BCAR3: variants seen among roughly 807,000 people sequenced by gnomAD.
BCAR3 encodes the protein breast cancer anti-estrogen resistance protein 3.
BCAR3 carries 37 observed loss-of-function variants against 80.1 expected under a neutral mutation model. That is an observed-to-expected ratio of 0.46 (90% CI 0.36 to 0.61). The LOEUF is 0.61. Among genes scored for constraint, BCAR3 ranks in the 20% least tolerant of loss-of-function variants. The pLI, the probability that BCAR3 is intolerant of heterozygous loss-of-function variation, is 0.00. For synonymous variants in BCAR3, 389 were observed against 418.9 expected, an observed-to-expected ratio of 0.93 and a Z score of 0.87; for missense variants, 978 against 1,068.2, an observed-to-expected ratio of 0.92 and a Z score of 1.18.
rs532943561 is a variant in BCAR3, at chr1:93,654,251, C to T, written c.318-11908G>A. Among the ~76,000 whole-genome samples, 10 of 152,230 alleles carry T rather than the reference C, an allele frequency of 6.6e-5. No homozygotes were observed. The East Asian group carries it at 1.9e-3, about 29-fold the overall frequency. On this transcript the variant is annotated intron_variant, in intron 2 of 11. Coordinates refer to ENST00000260502, the MANE Select transcript of BCAR3 (RefSeq NM_003567.4). Reference sequence around the variant, plus strand: ...TAAGGGCTGAAGTCAGTTGATGTTACGAGACAGTGATCACCCAGGTGGGCC... The same window carrying T: ...TAAGGGCTGAAGTCAGTTGATGTTATGAGACAGTGATCACCCAGGTGGGCC...
chr1:93,696,202 C>A (rs907784), intron 3 of BCAR3, among the ~76,000 whole-genome samples: 143,319 of 152,218 alleles, frequency 0.94, 67,710 homozygotes, highest in East Asian at 1. Context: ...CCAGCTCTGC[C>A]TCTTTAGCTT....
chr1:93,644,766 G>A (rs1234379148), intron 2 of BCAR3, among the ~76,000 whole-genome samples: 5 of 152,148 alleles, frequency 3.3e-5, no homozygotes, highest in African/African-American at 1.2e-4. Context: ...TACCAGCCAG[G>A]GCCCATTGAA....
intron 3 of BCAR3, among the ~76,000 whole-genome samples, chr1:93,638,860 A>G (rs547672381): frequency 5.3e-5 from 8 of 152,262 alleles, no homozygotes; most frequent in African/African-American, 1.9e-4. Context: ...CTGTGGGGGG[A>G]AAAAATTGTG....
At chr1:93,629,529 A>G (rs1415949010) in intron 3 of BCAR3, among the ~76,000 whole-genome samples, 1 of 152,222 alleles carries the variant, frequency 6.6e-6, no homozygotes, top group Non-Finnish European at 1.5e-5. Context: ...ATGTATTGTA[A>G]ACACAGCTCT....
chr1:93,758,422 C>T (rs2100721848), intron 2 of BCAR3, among the ~76,000 whole-genome samples: 1 of 152,308 alleles, frequency 6.6e-6, no homozygotes, highest in Admixed American at 6.5e-5. Context: ...TGGCTGCCAT[C>T]TTGTAGATGG....
At chr1:93,842,071 A>G (rs1398760454) in intron 2 of BCAR3, among the ~76,000 whole-genome samples, 1 of 151,788 alleles carries the variant, frequency 6.6e-6, no homozygotes, top group African/African-American at 2.4e-5. Flanking sequence ...TCTTCCCTGA[A>G]GTCCCGTATC....
intron 2 of BCAR3, among the ~76,000 whole-genome samples, chr1:93,777,304 AATT>A (rs1652585181): frequency 6.6e-6 from 1 of 152,204 alleles, no homozygotes; most frequent in Non-Finnish European, 1.5e-5. Context: ...TGATACCCAG[AATT>A]ATTATTTATT....
At chr1:93,636,959 G>A (rs1254261580) in intron 3 of BCAR3, among the ~76,000 whole-genome samples, 2 of 152,062 alleles carry the variant, frequency 1.3e-5, no homozygotes, top group Non-Finnish European at 2.9e-5. Flanking sequence ...ATTAGGCATG[G>A]TGGTGGTCAT....
At chr1:93,569,171 G>A (rs1247626163) in intron 9 of BCAR3, among the ~76,000 whole-genome samples, 4 of 152,208 alleles carry the variant, frequency 2.6e-5, no homozygotes, top group Non-Finnish European at 5.9e-5. Context: ...AGTATTTGGG[G>A]AATAAGAGCC....
At chr1:93,765,685 T>C (rs1246993682) in intron 2 of BCAR3, among the ~76,000 whole-genome samples, 2 of 151,998 alleles carry the variant, frequency 1.3e-5, no homozygotes. Flanking sequence ...TTTTTTTTTT[T>C]TTAGAGAGAG....
chr1:93,670,822 T>A (rs1019759954), intron 2 of BCAR3, among the ~76,000 whole-genome samples: 1 of 152,136 alleles, frequency 6.6e-6, no homozygotes, highest in East Asian at 1.9e-4. Context: ...ATTATTCATG[T>A]TATAATTATT....
chr1:93,676,803 A>G (rs1206198820), intron 1 of BCAR3, among the ~76,000 whole-genome samples: 2 of 152,204 alleles, frequency 1.3e-5, no homozygotes, highest in African/African-American at 4.8e-5. Flanking sequence ...GCAGCACCCT[A>G]CAGAACTTCT....
intron 2 of BCAR3, among the ~76,000 whole-genome samples, chr1:93,733,425 G>A (rs559999083): frequency 6.6e-6 from 1 of 152,334 alleles, no homozygotes; most frequent in South Asian, 2.1e-4. Flanking sequence ...GGAAGCCGGT[G>A]TTCAGGAGGA....
At chr1:93,647,396 G>A (rs902697473) in intron 2 of BCAR3, among the ~76,000 whole-genome samples, 7 of 152,150 alleles carry the variant, frequency 4.6e-5, no homozygotes, top group African/African-American at 1.2e-4. Context: ...AAGAGTTCCT[G>A]AGACCAGAAC....
chr1:93,741,833 A>C (rs916585127), intron 2 of BCAR3, among the ~76,000 whole-genome samples: 4 of 152,176 alleles, frequency 2.6e-5, no homozygotes, highest in Non-Finnish European at 5.9e-5. Flanking sequence ...GGCCTCCCAA[A>C]GTGCTGGAAT....
chr1:93,626,930 AC>A (rs1402000632), intron 3 of BCAR3, among the ~76,000 whole-genome samples: 2 of 152,196 alleles, frequency 1.3e-5, no homozygotes, highest in Non-Finnish European at 2.9e-5. Flanking sequence ...TGTCTGACAA[AC>A]TTGGTTATTC....
intron 2 of BCAR3, among the ~76,000 whole-genome samples, chr1:93,799,371 G>A (rs888685852): frequency 8.5e-5 from 13 of 152,108 alleles, no homozygotes; most frequent in Non-Finnish European, 1.8e-4. Flanking sequence ...CAATGTATGG[G>A]GTCAGGTTGA....
At chr1:93,841,706 C>A (rs1654966981) in intron 2 of BCAR3, among the ~76,000 whole-genome samples, 1 of 152,230 alleles carries the variant, frequency 6.6e-6, no homozygotes. Context: ...CCTTTCGGGA[C>A]CAGATCATGT....
intron 3 of BCAR3, among the ~76,000 whole-genome samples, chr1:93,687,435 G>A (rs955024138): frequency 6.6e-6 from 1 of 152,144 alleles, no homozygotes; most frequent in Non-Finnish European, 1.5e-5. Flanking sequence ...AGCCTCCCAA[G>A]TAGCTGGGAC....
Sources: allele counts gnomAD v4.1 joint callset (sites outside exome capture counted in the v4.1 genomes callset), GRCh38; gene constraint gnomAD v4.1.1; transcripts MANE v1.5; gene names NCBI Gene and HGNC (gene_info 2026-07-23, HGNC 2026-07-21).